The following JAM3 variants were observed in gnomAD, a reference collection of about 807,000 sequenced individuals.
JAM3 encodes the protein junctional adhesion molecule 3.
In JAM3, 31 loss-of-function variants were observed where a neutral mutation model predicts 39.4. The ratio of observed to expected loss-of-function variants is 0.79; its 90% CI spans 0.59 to 1.06. The LOEUF is 1.06. JAM3 is among the 50% of genes least tolerant of loss of function. JAM3 has a pLI of 0.00. For missense variants in JAM3, 455 were observed against 391.4 expected, an observed-to-expected ratio of 1.16 and a Z score of -1.37; for synonymous variants, 182 against 148.7, an observed-to-expected ratio of 1.22 and a Z score of -1.63.
At chr11:134,129,122 CTTT>C (rs35267285) in intron 1 of JAM3, among the ~76,000 whole-genome samples, 53 of 136,360 alleles carry the variant, frequency 3.9e-4, no homozygotes, top group South Asian at 3.1e-3. Flanking sequence ...TCTTCAAGTT[CTTT>C]TTTTTTTTTT....
intron 6 of JAM3, among the ~76,000 whole-genome samples, chr11:134,146,723 A>G (rs1485760644): frequency 6.6e-6 from 1 of 152,036 alleles, no homozygotes; most frequent in African/African-American, 2.4e-5. Flanking sequence ...ACACACCACC[A>G]TGCTCAGCTA....
chr11:134,118,590 C>T (rs1364557633), intron 1 of JAM3, among the ~76,000 whole-genome samples: 1 of 152,160 alleles, frequency 6.6e-6, no homozygotes, highest in Non-Finnish European at 1.5e-5. Flanking sequence ...TCCCACCAAC[C>T]CCAACCTTGT....
In JAM3 at chr11:134,150,955, C is replaced by G. The variant is rs918613149; in HGVS notation, c.*1774C>G. ...TTTTGACTTTAAATTTTTCATCCGC[C>G]GGAGACACTGCTCCCATTTGTGGGG... On this transcript the variant is annotated 3_prime_UTR_variant, in exon 9 of 9. Transcript: ENST00000299106. 2 of 152,194 alleles carry G rather than the reference C, an allele frequency of 1.3e-5. No homozygotes were observed. The highest frequency in any genetic ancestry group is 6.5e-5 in the Admixed American group (1 of 15,284). The allele number at this position is 152,194 out of a possible 1,614,324, so 9.4% of individuals were successfully genotyped here.
chr11:134,139,738 C>T (rs1447552157), intron 1 of JAM3, 113 bp from the exon 2 acceptor site: 18 of 816,470 alleles, frequency 2.2e-5, no homozygotes, highest in South Asian at 2.7e-5. Flanking sequence ...ATTTTTCCAT[C>T]CTCTGTGGTT....
At chr11:134,132,210 T>A (rs1305311216) in intron 1 of JAM3, among the ~76,000 whole-genome samples, 1 of 152,196 alleles carries the variant, frequency 6.6e-6, no homozygotes, top group Admixed American at 6.5e-5. Flanking sequence ...CAATTAATCT[T>A]CAAGAAGACT....
At chr11:134,135,087 A>G (rs1330153162) in intron 1 of JAM3, among the ~76,000 whole-genome samples, 1 of 152,094 alleles carries the variant, frequency 6.6e-6, no homozygotes, top group Non-Finnish European at 1.5e-5. Context: ...TGTCATGAAG[A>G]TGTTTCTCTA....
At chr11:134,084,819 G>A (rs1032666555) in intron 1 of JAM3, among the ~76,000 whole-genome samples, 9 of 152,172 alleles carry the variant, frequency 5.9e-5, no homozygotes, top group East Asian at 1.9e-4. Flanking sequence ...CTTTAGCTAC[G>A]GTCAGTTAAG....
intron 1 of JAM3, among the ~76,000 whole-genome samples, chr11:134,135,669 C>G (rs1942851840): frequency 6.6e-6 from 1 of 151,732 alleles, no homozygotes. Context: ...TACTGAGTAG[C>G]TGGGATTACA....
chr11:134,144,764 C>G (rs752267721), intron 4 of JAM3, 28 bp from the exon 5 acceptor site: 5 of 1,568,334 alleles, frequency 3.2e-6, no homozygotes, highest in Non-Finnish European at 4.3e-6. Flanking sequence ...TCACTGAGAT[C>G]TTAAACACCA....
chr11:134,078,671 T>C (rs1941613366), intron 1 of JAM3, among the ~76,000 whole-genome samples: 1 of 152,246 alleles, frequency 6.6e-6, no homozygotes. Context: ...TTCCCCTCTC[T>C]TAATGGAAGA....
intron 1 of JAM3, among the ~76,000 whole-genome samples, chr11:134,127,586 G>A (rs1163621403): frequency 6.6e-6 from 1 of 152,192 alleles, no homozygotes; most frequent in Non-Finnish European, 1.5e-5. Flanking sequence ...TGTAGTCCCA[G>A]CTACTCTGGA....
At chr11:134,139,216 T>G (rs470600) in intron 1 of JAM3, among the ~76,000 whole-genome samples, 68,226 of 152,162 alleles carry the variant, frequency 0.45, 18,204 homozygotes, top group African/African-American at 0.76. Context: ...TGCCATGCAA[T>G]TAGTTATCTT....
chr11:134,071,388 T>C (rs1199271933), intron 1 of JAM3, among the ~76,000 whole-genome samples: 1 of 152,234 alleles, frequency 6.6e-6, no homozygotes, highest in Non-Finnish European at 1.5e-5. Context: ...ATTTGTATTA[T>C]TCCATTTGAC....
intron 1 of JAM3, among the ~76,000 whole-genome samples, chr11:134,106,228 C>T (rs1157980457): frequency 1.3e-5 from 2 of 151,820 alleles, no homozygotes; most frequent in South Asian, 2.1e-4. Context: ...ACAAACCTGA[C>T]AAAAACAAGA....
At chr11:134,130,717 G>T (rs1274751729) in intron 1 of JAM3, among the ~76,000 whole-genome samples, 1 of 152,178 alleles carries the variant, frequency 6.6e-6, no homozygotes, top group Non-Finnish European at 1.5e-5. Context: ...TAGCTGATTT[G>T]GTCTTGAAGA....
chr11:134,106,740 A>G (rs1942197753), intron 1 of JAM3, among the ~76,000 whole-genome samples: 2 of 152,272 alleles, frequency 1.3e-5, no homozygotes, highest in South Asian at 2.1e-4. Flanking sequence ...AATGCTCATC[A>G]TCACTGGCCA....
intron 1 of JAM3, among the ~76,000 whole-genome samples, chr11:134,076,712 T>C (rs555778313): frequency 6.6e-6 from 1 of 151,654 alleles, no homozygotes; most frequent in Admixed American, 6.6e-5. Context: ...TTTTTTATTT[T>C]ATTTAATTTT....
chr11:134,070,924 C>G (rs1035072720), intron 1 of JAM3, among the ~76,000 whole-genome samples: 1 of 152,168 alleles, frequency 6.6e-6, no homozygotes, highest in Non-Finnish European at 1.5e-5. Context: ...CAAACTAGTT[C>G]TAATGACAAA....
intron 1 of JAM3, among the ~76,000 whole-genome samples, chr11:134,093,529 C>T (rs528150416): frequency 7.4e-6 from 1 of 134,418 alleles, no homozygotes; most frequent in African/African-American, 2.9e-5. Flanking sequence ...CTCCTGAGCC[C>T]TCCTTATTCA....
Sources: gnomAD v4.1 joint callset for allele counts (sites outside exome capture counted in the v4.1 genomes callset) on GRCh38, gnomAD v4.1.1 for gene constraint, MANE v1.5 for transcripts, NCBI Gene and HGNC (gene_info 2026-07-23, HGNC 2026-07-21) for gene names.